SLPI: variants seen among roughly 807,000 people sequenced by gnomAD.
The protein encoded by SLPI is secretory leukocyte peptidase inhibitor.
A neutral mutation model predicts 14.3 loss-of-function variants in SLPI; 20 were observed. The ratio of observed to expected loss-of-function variants is 1.40; its 90% CI spans 0.99 to 2.04. SLPI has a LOEUF of 2.04. Among genes scored for constraint, SLPI ranks in the 30% most tolerant of loss-of-function variants. The pLI, the probability that SLPI is intolerant of heterozygous loss-of-function variation, is 0.00. For synonymous variants in SLPI, 68 were observed against 54.8 expected, an observed-to-expected ratio of 1.24 and a Z score of -1.07; for missense variants, 169 against 159.4, an observed-to-expected ratio of 1.06 and a Z score of -0.32.
intron 3 of SLPI, 48 bp from the exon 4 acceptor site, chr20:45,252,467 T>C: frequency 6.2e-7 from 1 of 1,607,044 alleles, no homozygotes; most frequent in Non-Finnish European, 8.5e-7. Flanking sequence ...ACCAGCCAAA[T>C]CATATCCACA....
At chr20:45,254,152 A>G (rs1403759399) in intron 1 of SLPI, among the ~76,000 whole-genome samples, 5 of 151,858 alleles carry the variant, frequency 3.3e-5, no homozygotes, top group Admixed American at 2.6e-4. Flanking sequence ...AGAGTCAGAA[A>G]CTAATGATTT....
chr20:45,253,054 G>A lies in SLPI; in HGVS notation c.342C>T (p.Asp114=). ...FCEMDGQCKR[D]LKCCMGMCGK... is the part of the protein sequence containing the mutation. The stretch of plus-strand genomic sequence containing the variant: ...CACACATGCCCATGCAACACTTCAA[G>A]TCACGCTTGCACTGGCCATCCATCT... The change falls in exon 3 of 4, where the codon GAC becomes GAT. Residue 114 remains aspartate, a synonymous_variant. Transcript: ENST00000338380. 1 of 1,614,188 alleles carries A rather than the reference G, an allele frequency of 6.2e-7. No individual in the cohort carries two copies. The highest frequency in any genetic ancestry group is 8.5e-7 in the Non-Finnish European group (1 of 1,180,010).
chr20:45,253,038 C>T lies in SLPI; in HGVS notation c.358G>A (p.Gly120Ser), dbSNP rs1171347346. ...GAAACGCAGGATTTCCCACACATGCCCATGCAACACTTCAAGTCACGCTTG... is the reference window on the plus strand; with the variant it reads ...GAAACGCAGGATTTCCCACACATGCTCATGCAACACTTCAAGTCACGCTTG... ...QCKRDLKCCMGMCGKSCVSPV... is the reference protein window; with the variant it reads ...QCKRDLKCCMSMCGKSCVSPV... The change falls in exon 3 of 4, where the codon GGC (glycine) becomes AGC (serine). Residue 120 changes from glycine to serine, a missense_variant. Gly to Ser is a moderately conservative substitution (Grantham distance 56, BLOSUM62 0). Coordinates refer to ENST00000338380, the MANE Select transcript of SLPI (RefSeq NM_003064.4). 1 of 1,614,150 alleles carries T rather than the reference C, an allele frequency of 6.2e-7. No homozygotes were observed.
rs200903314 is a variant in SLPI, at chr20:45,253,657, G to C, written c.162C>G (p.Asp54Glu). The C allele has an allele frequency of 8.1e-6, 13 of 1,614,150 alleles. No individual in the cohort carries two copies. The East Asian group carries it at 2.7e-4, about 33-fold the overall frequency. The change falls in exon 2 of 4, where the codon GAC becomes GAG. Residue 54 changes from aspartate (D) to glutamate (E), a missense_variant. Transcript: ENST00000338380. ...LRYKKPECQS[D>E]WQCPGKKRCC... Reference sequence around the variant, plus strand: ...ATCTCTTCTTCCCTGGACACTGCCAGTCACTCTGGCACTCAGGTTTCTTGT... The same window carrying C: ...ATCTCTTCTTCCCTGGACACTGCCACTCACTCTGGCACTCAGGTTTCTTGT...
Position 45,254,508 on chromosome 20 carries a change from C to A in SLPI, c.36G>T (p.Leu12=). The A allele has an allele frequency of 6.2e-7, 1 of 1,614,158 alleles. No individual in the cohort carries two copies. The highest frequency in any genetic ancestry group is 8.5e-7 in the Non-Finnish European group (1 of 1,180,018). Residue 12 remains leucine, a synonymous_variant, in exon 1 of 4, where the codon CTG becomes CTT. Coordinates refer to ENST00000338380, the MANE Select transcript of SLPI (RefSeq NM_003064.4). ...KSSGLFPFLV[L]LALGTLAPWA... ...AAGGTGCCAGAGTTCCCAGGGCAAG[C>A]AGCACCAGGAAGGGGAAGAGGCCGC...
Position 45,253,612 on chromosome 20 carries a change from G to A in SLPI, c.207C>T (p.Gly69=). 6.2e-7 allele frequency: 1 copy of A among 1,614,110 alleles called. No homozygotes were observed. The highest frequency in any genetic ancestry group is 1.3e-5 in the African/African-American group (1 of 75,036). ...GKKRCCPDTC[G]IKCLDPVDTP... is the part of the protein sequence containing the mutation. ...TGTCAACAGGATCCAGGCATTTGAT[G>A]CCACAAGTGTCAGGACAACATCTCT... Residue 69 remains glycine (G), a synonymous_variant, in exon 2 of 4, where the codon GGC becomes GGT. Coordinates refer to ENST00000338380, the MANE Select transcript of SLPI (RefSeq NM_003064.4).
At chr20:45,253,469 T>C (rs974517583) in intron 2 of SLPI, 106 bp downstream of exon 2, 1 of 1,110,852 alleles carries the variant, frequency 9.0e-7, no homozygotes, top group South Asian at 1.6e-5. Context: ...TGTGACTCAC[T>C]GACGGATTGA....
chr20:45,252,920 C>A, intron 3 of SLPI, 82 bp downstream of exon 3: 2 of 1,463,012 alleles, frequency 1.4e-6, no homozygotes, highest in Non-Finnish European at 9.4e-7. Flanking sequence ...TCAGGAGTCC[C>A]CCTGCCCATA....
rs193135439 is a variant in SLPI at position 45,253,172 on chromosome 20, C to A, written c.245-21G>T. The A allele has an allele frequency of 1.2e-4, 187 of 1,611,446 alleles. No homozygotes were observed. The Admixed American group carries it at 1.4e-3, about 12-fold the overall frequency. On this transcript the variant is annotated intron_variant, in intron 2 of 3. Transcript: ENST00000338380. ...CCTTGCTGGGTGAGAGTGAGGCTACCGGTCAGAGGCCTTGTACTTTATACA... is the reference window on the plus strand; with the variant it reads ...CCTTGCTGGGTGAGAGTGAGGCTACAGGTCAGAGGCCTTGTACTTTATACA...
intron 2 of SLPI, 118 bp from the exon 3 acceptor site, chr20:45,253,269 C>A: frequency 8.3e-7 from 1 of 1,199,604 alleles, no homozygotes; most frequent in Non-Finnish European, 1.2e-6. Context: ...CCCCTCCCCA[C>A]CTCTATCACC....
chr20:45,254,402 A>C, intron 1 of SLPI, 57 bp downstream of exon 1: 2 of 1,475,812 alleles, frequency 1.4e-6, no homozygotes, highest in Non-Finnish European at 1.9e-6. Context: ...CCACACCACA[A>C]GGAGACCCCA....
In SLPI at chr20:45,254,459, A is replaced by C. The variant is rs749784193; in HGVS notation, c.85T>G (p.Ser29Ala). The change falls in exon 1 of 4, where the codon TCC becomes GCC. Residue 29 changes from serine (S) to alanine (A), a missense_variant and splice_region_variant. Transcript: ENST00000338380. The stretch of plus-strand genomic sequence containing the variant: ...TTAGACCAGAGTGACTCCAACTTAC[A>C]CTTTCCAGAGCCTTCCACAGCCCAA... Reference protein sequence around the residue: ...APWAVEGSGKSFKAGVCPPKK... With the variant: ...APWAVEGSGKAFKAGVCPPKK... 1.2e-5 allele frequency: 19 copies of C among 1,613,736 alleles called. No homozygotes were observed. In the South Asian group the frequency reaches 1.9e-4, roughly 16 times the overall value.
rs773581806 is a variant in SLPI, at chr20:45,253,102, C to G, written c.294G>C (p.Met98Ile). ...KCPVTYGQCL[M>I]LNPPNFCEMD... ...TCTCACAGAAATTGGGGGGGTTAAGCATCAAACATTGGCCATAAGTCACTG... is the reference window on the plus strand; with the variant it reads ...TCTCACAGAAATTGGGGGGGTTAAGGATCAAACATTGGCCATAAGTCACTG... The change falls in exon 3 of 4, where the codon ATG (methionine) becomes ATC (isoleucine). Residue 98 changes from methionine (M) to isoleucine (I), a missense_variant. By Grantham distance (10) the Met-to-Ile change is conservative. Transcript: ENST00000338380. 1.9e-6 allele frequency: 3 copies of G among 1,614,190 alleles called. No homozygotes were observed. The Admixed American group carries it at 5.0e-5, about 27-fold the overall frequency.
At chr20:45,252,965 C>T (rs757967854) in intron 3 of SLPI, 37 bp downstream of exon 3, 1 of 1,604,262 alleles carries the variant, frequency 6.2e-7, no homozygotes, top group Non-Finnish European at 8.5e-7. Context: ...GCTGAGAGGG[C>T]TGGAGGGAGC....
chr20:45,252,765 GAC>G (rs1289843329), intron 3 of SLPI, among the ~76,000 whole-genome samples: 2 of 152,168 alleles, frequency 1.3e-5, no homozygotes, highest in Non-Finnish European at 2.9e-5. Context: ...GACTCAGAAA[GAC>G]ACTTGCCCAG....
chr20:45,253,520 C>T (rs1984726950), intron 2 of SLPI, 55 bp downstream of exon 2: 1 of 1,552,546 alleles, frequency 6.4e-7, no homozygotes, highest in Non-Finnish European at 8.8e-7. Context: ...TTCCATCCCT[C>T]TAATGCTGTG....
chr20:45,253,596 G>C lies in SLPI; in HGVS notation c.223C>G (p.Pro75Ala). The C allele has an allele frequency of 1.9e-6, 3 of 1,614,022 alleles. No individual in the cohort carries two copies. The highest frequency in any genetic ancestry group is 2.5e-6 in the Non-Finnish European group (3 of 1,179,946). ...TTACTTGGGTTTGGGGTGTCAACAG[G>C]ATCCAGGCATTTGATGCCACAAGTG... Reference protein sequence around the residue: ...PDTCGIKCLDPVDTPNPTRRK... With the variant: ...PDTCGIKCLDAVDTPNPTRRK... Residue 75 changes from proline (P) to alanine (A), a missense_variant, in exon 2 of 4, where the codon CCT becomes GCT. Pro to Ala is a conservative substitution (Grantham distance 27, BLOSUM62 -1). Coordinates refer to ENST00000338380, the MANE Select transcript of SLPI (RefSeq NM_003064.4).
In SLPI at chr20:45,253,749, T is replaced by G; in HGVS notation, c.86-16A>C. Reference sequence around the variant, plus strand: ...GCTTTGAAGGCTTTTGAAGAGAAAGTCAAGAGGTCAGGAGGAGGCTGGGTA... The same window carrying G: ...GCTTTGAAGGCTTTTGAAGAGAAAGGCAAGAGGTCAGGAGGAGGCTGGGTA... On this transcript the variant is annotated splice_polypyrimidine_tract_variant and intron_variant, in intron 1 of 3. Transcript: ENST00000338380. 6.2e-7 allele frequency: 1 copy of G among 1,611,588 alleles called. No homozygotes were observed. The highest frequency in any genetic ancestry group is 2.2e-5 in the East Asian group (1 of 44,852).
chr20:45,252,538 TGA>T lies in SLPI; in HGVS notation c.395-121_395-120del, dbSNP rs1368200494. On this transcript the variant is annotated intron_variant, in intron 3 of 3. Transcript: ENST00000338380. ...GAAAATAGCAAGATAGCGCTATAGT[TGA>T]GAGAGACTTAGTGTCAGGAGACAAG... 9 of 1,001,520 alleles carry T rather than the reference TGA, an allele frequency of 9.0e-6. No homozygotes were observed. In the Middle Eastern group the frequency reaches 8.4e-4, roughly 93 times the overall value. The allele number at this position is 1,001,520 out of a possible 1,614,324, so 62.0% of individuals were successfully genotyped here. A position where few individuals can be genotyped will look rare whatever the true frequency, so the allele number is the denominator to read the frequency against.
Sources: gnomAD v4.1 joint callset for allele counts (sites outside exome capture counted in the v4.1 genomes callset) on GRCh38, gnomAD v4.1.1 for gene constraint, MANE v1.5 for transcripts, NCBI Gene and HGNC (gene_info 2026-07-23, HGNC 2026-07-21) for gene names.